PCDHA6: variants seen among roughly 807,000 people sequenced by gnomAD.
The protein encoded by PCDHA6 is protocadherin alpha 6, also known as protocadherin alpha-6.
Under a neutral mutation model 60.3 loss-of-function variants are expected in PCDHA6, and 55 were observed. The ratio of observed to expected loss-of-function variants is 0.91; its 90% CI spans 0.73 to 1.14. The LOEUF is 1.14. Ranked by LOEUF, PCDHA6 falls within the 50% of genes most tolerant of loss-of-function variation. PCDHA6 has a pLI of 0.00. For synonymous variants in PCDHA6, 652 were observed against 557.9 expected (o/e 1.17, Z -2.38); for missense variants, 1,327 against 1,256.5 (o/e 1.06, Z -0.85).
At chr5:140,991,985 A>G (rs114196704) in intron 3 of PCDHA6, among the ~76,000 whole-genome samples, 1,827 of 150,246 alleles carry the variant, frequency 0.012, 17 homozygotes, top group Non-Finnish European at 0.019. Context: ...TCTGCCTACC[A>G]CCCGGTCTTT....
In PCDHA6 at chr5:140,841,673, C is replaced by T; in HGVS notation, c.2394+11188C>T. On this transcript the variant is annotated intron_variant, in intron 1 of 3. Transcript: ENST00000529310. ...CGTGGACAGGCCGCTGCAGGTTTTCCATGTGGACGTGGAGGTGAAGGATGT... is the reference window on the plus strand; with the variant it reads ...CGTGGACAGGCCGCTGCAGGTTTTCTATGTGGACGTGGAGGTGAAGGATGT... 1.2e-6 allele frequency: 2 copies of T among 1,614,024 alleles called. No individual in the cohort carries two copies. The highest frequency in any genetic ancestry group is 1.7e-6 in the Non-Finnish European group (2 of 1,179,944).
At chr5:140,864,331 T>C (rs2048422342) in intron 1 of PCDHA6, 1 of 152,248 alleles carries the variant, frequency 6.6e-6, no homozygotes, top group Admixed American at 6.5e-5. Flanking sequence ...CATAATTATT[T>C]GAGTTTAAAA....
At chr5:140,859,846 T>C (rs1156718746) in intron 1 of PCDHA6, 1 of 152,114 alleles carries the variant, frequency 6.6e-6, no homozygotes. Context: ...TTTTATCAAA[T>C]AGGTTTATGA....
chr5:140,970,248 A>G (rs1385121881), intron 1 of PCDHA6, among the ~76,000 whole-genome samples: 1 of 152,142 alleles, frequency 6.6e-6, no homozygotes, highest in Non-Finnish European at 1.5e-5. Context: ...TTCTGTTGAC[A>G]GTTTCTATGG....
chr5:141,006,384 T>C, intron 3 of PCDHA6, among the ~76,000 whole-genome samples: 2 of 152,126 alleles, frequency 1.3e-5, no homozygotes, highest in South Asian at 4.2e-4. Flanking sequence ...GCTAAGTTTT[T>C]TCTATTTTTT....
At chr5:140,877,987 CT>C (rs2057428803) in intron 1 of PCDHA6, 14 of 1,151,184 alleles carry the variant, frequency 1.2e-5, no homozygotes, top group Non-Finnish European at 1.6e-5. Context: ...TCATTTTGAA[CT>C]TTTATGTATT....
chr5:140,929,138 G>C (rs150967804), intron 1 of PCDHA6: 183 of 1,614,054 alleles, frequency 1.1e-4, no homozygotes, highest in Non-Finnish European at 1.5e-4. Context: ...ACAGTTGAGA[G>C]ACTTTCTCAG....
chr5:140,902,191 C>G (rs1218204978), intron 1 of PCDHA6, among the ~76,000 whole-genome samples: 1 of 147,360 alleles, frequency 6.8e-6, no homozygotes, highest in Non-Finnish European at 1.5e-5. Context: ...TGTCTTCTCT[C>G]TCTCTCTCTT....
At chr5:140,968,419 T>C (rs372766707) in intron 1 of PCDHA6, 37 of 1,613,898 alleles carry the variant, frequency 2.3e-5, no homozygotes, top group Non-Finnish European at 3.0e-5. Context: ...CTGTGGAGGC[T>C]CAGGACAAGG....
chr5:141,000,423 T>C (rs470406), intron 3 of PCDHA6, among the ~76,000 whole-genome samples: 6 of 66,864 alleles, frequency 9.0e-5, no homozygotes, highest in Non-Finnish European at 1.8e-4. Context: ...ATATATATAT[T>C]TTTTTTTTTT....
intron 1 of PCDHA6, chr5:140,882,748 A>C: frequency 1.2e-6 from 2 of 1,614,258 alleles, no homozygotes; most frequent in Non-Finnish European, 1.7e-6. Flanking sequence ...CATCCGATGC[A>C]GATATTGGAG....
chr5:140,869,296 C>A, intron 1 of PCDHA6: 1 of 1,613,602 alleles, frequency 6.2e-7, no homozygotes, highest in Non-Finnish European at 8.5e-7. Flanking sequence ...GCGCCTGTTC[C>A]GGGTGGCGTC....
Position 140,828,648 on chromosome 5 carries a change from G to A in PCDHA6, c.557G>A (p.Ser186Asn). 6.2e-7 allele frequency: 1 copy of A among 1,614,192 alleles called. No homozygotes were observed. The highest frequency in any genetic ancestry group is 8.5e-7 in the Non-Finnish European group (1 of 1,180,026). Reference sequence around the variant, plus strand: ...TTCGGGCTAGATGTGAAAATAAACAGTGATGACAATAAACAAATTGGGCTC... The same window carrying A: ...TTCGGGCTAGATGTGAAAATAAACAATGATGACAATAAACAAATTGGGCTC... The part of the protein sequence containing the change: ...EYFGLDVKIN[S>N]DDNKQIGLLL... The change falls in exon 1 of 4, where the codon AGT becomes AAT. Residue 186 changes from serine (S) to asparagine (N), a missense_variant. By Grantham distance (46) the Ser-to-Asn change is conservative. Transcript: ENST00000529310.
At chr5:140,848,492 T>C (rs1781549856) in intron 1 of PCDHA6, 2 of 1,575,612 alleles carry the variant, frequency 1.3e-6, no homozygotes, top group South Asian at 2.3e-5. Flanking sequence ...ACTGAGTATT[T>C]GAAATGTTAT....
intron 1 of PCDHA6, chr5:140,856,526 G>C (rs1461628453): frequency 6.3e-7 from 1 of 1,598,340 alleles, no homozygotes; most frequent in Non-Finnish European, 8.6e-7. Context: ...ATCTGATGCG[G>C]ATGTTGGAGA....
intron 3 of PCDHA6, among the ~76,000 whole-genome samples, chr5:140,987,400 C>T (rs1554249169): frequency 1.3e-5 from 2 of 152,090 alleles, no homozygotes; most frequent in Middle Eastern, 3.2e-3. Context: ...AGGAAGCCAT[C>T]TGTTTATGGT....
intron 1 of PCDHA6, chr5:140,862,894 T>A (rs251369): frequency 0.66 from 367,469 of 559,470 alleles, 121,120 homozygotes; most frequent in Middle Eastern, 0.71. Flanking sequence ...AACGACAACT[T>A]TGTCTGCGCT....
At chr5:140,951,723 A>G (rs1364455679) in intron 1 of PCDHA6, among the ~76,000 whole-genome samples, 3 of 152,104 alleles carry the variant, frequency 2.0e-5, no homozygotes, top group Non-Finnish European at 4.4e-5. Flanking sequence ...GATCCAAACC[A>G]TGTCATTCTG....
chr5:140,870,919 C>T (rs1562653740), intron 1 of PCDHA6: 1 of 1,613,952 alleles, frequency 6.2e-7, no homozygotes, highest in Non-Finnish European at 8.5e-7. Context: ...CAACGCGTGG[C>T]TTTCATATGA....
Sources: gnomAD v4.1 joint callset for allele counts (sites outside exome capture counted in the v4.1 genomes callset) on GRCh38, gnomAD v4.1.1 for gene constraint, MANE v1.5 for transcripts, NCBI Gene and HGNC (gene_info 2026-07-23, HGNC 2026-07-21) for gene names.